Variants in BMPR1B observed in about 807,000 individuals in gnomAD.
BMPR1B encodes the protein bone morphogenetic protein receptor type-1B.
A neutral mutation model predicts 59.1 loss-of-function variants in BMPR1B; 12 were observed. The observed-to-expected ratio is 0.20, with a 90% CI of 0.13 to 0.33. The LOEUF (loss-of-function observed/expected upper bound fraction) is 0.33. Among genes scored for constraint, BMPR1B ranks in the 10% least tolerant of loss-of-function variants. The pLI, the probability that BMPR1B is intolerant of heterozygous loss-of-function variation, is 1.00. For missense variants in BMPR1B, 550 were observed against 610.9 expected (o/e 0.90, Z 1.05); for synonymous variants, 237 against 207.3 (o/e 1.14, Z -1.23).
chr4:94,826,673 C>CAG (rs35717456), intron 1 of BMPR1B, among the ~76,000 whole-genome samples: 95,791 of 151,654 alleles, frequency 0.63, 31,716 homozygotes, highest in African/African-American at 0.84. Context: ...AAAATGGAAA[C>CAG]ATGCATAATT....
At chr4:95,097,426 A>G (rs1043715307) in intron 3 of BMPR1B, among the ~76,000 whole-genome samples, 1 of 152,192 alleles carries the variant, frequency 6.6e-6, no homozygotes, top group East Asian at 1.9e-4. Flanking sequence ...CTGTTTTTAA[A>G]TATTTATTGA....
chr4:95,094,947 A>AT (rs890399205), intron 3 of BMPR1B, among the ~76,000 whole-genome samples: 3 of 152,058 alleles, frequency 2.0e-5, no homozygotes, highest in Non-Finnish European at 2.9e-5. Context: ...TTGCTCTGGT[A>AT]TTTTTTAATA....
At chr4:94,916,750 C>T (rs1280241792) in intron 2 of BMPR1B, among the ~76,000 whole-genome samples, 1 of 152,206 alleles carries the variant, frequency 6.6e-6, no homozygotes, top group African/African-American at 2.4e-5. Context: ...ATAGCAACCA[C>T]TTGGGAGAGA....
intron 1 of BMPR1B, among the ~76,000 whole-genome samples, chr4:94,789,301 T>C (rs1238298264): frequency 6.6e-6 from 1 of 152,208 alleles, no homozygotes; most frequent in Non-Finnish European, 1.5e-5. Context: ...ATGGTCAACG[T>C]TGAGTGCTTT....
intron 2 of BMPR1B, among the ~76,000 whole-genome samples, chr4:94,905,267 T>C (rs1332348439): frequency 6.6e-6 from 1 of 152,102 alleles, no homozygotes; most frequent in Non-Finnish European, 1.5e-5. Flanking sequence ...TTCACTGGAC[T>C]GCTTTAGACA....
At chr4:94,900,213 G>A (rs563206642) in intron 2 of BMPR1B, among the ~76,000 whole-genome samples, 26 of 151,552 alleles carry the variant, frequency 1.7e-4, no homozygotes, top group Middle Eastern at 6.8e-3. Context: ...AGTGTAATGC[G>A]CTAGGTTCCC....
chr4:95,129,965 T>C lies in BMPR1B; in HGVS notation c.689T>C (p.Val230Ala). Residue 230 changes from valine to alanine, a missense_variant, in exon 9 of 13, where the codon GTG (valine) becomes GCG (alanine). Transcript: ENST00000515059. ...AAGTGGCGTGGCGAAAAGGTAGCTG[T>C]GAAAGTGTTCTTCACCACAGAGGAA... ...MGKWRGEKVA[V>A]KVFFTTEEAS... 1 of 1,613,950 alleles carries C rather than the reference T, an allele frequency of 6.2e-7. No individual in the cohort carries two copies. The highest frequency in any genetic ancestry group is 1.1e-5 in the South Asian group (1 of 91,084).
intron 1 of BMPR1B, among the ~76,000 whole-genome samples, chr4:94,866,480 C>T (rs1054388427): frequency 6.6e-6 from 1 of 152,154 alleles, no homozygotes; most frequent in Non-Finnish European, 1.5e-5. Context: ...TTTTCCCGTC[C>T]AAAATCCTTC....
chr4:94,884,460 AG>A (rs1727094758), intron 2 of BMPR1B, among the ~76,000 whole-genome samples: 1 of 152,094 alleles, frequency 6.6e-6, no homozygotes, highest in Non-Finnish European at 1.5e-5. Context: ...CAGGAGGCTG[AG>A]GTTGCAGTGA....
At chr4:94,845,500 G>A (rs554646171) in intron 1 of BMPR1B, among the ~76,000 whole-genome samples, 10 of 152,044 alleles carry the variant, frequency 6.6e-5, no homozygotes, top group African/African-American at 1.4e-4. Flanking sequence ...CCGCCACCAC[G>A]CCCGGCTAAT....
intron 1 of BMPR1B, among the ~76,000 whole-genome samples, chr4:94,790,678 C>G (rs1722947780): frequency 6.6e-6 from 1 of 152,138 alleles, no homozygotes; most frequent in Admixed American, 6.5e-5. Context: ...CTATATCTTC[C>G]TACAGTTAAT....
At chr4:94,898,352 G>T (rs1404119658) in intron 2 of BMPR1B, among the ~76,000 whole-genome samples, 3 of 151,968 alleles carry the variant, frequency 2.0e-5, no homozygotes, top group Non-Finnish European at 4.4e-5. Flanking sequence ...GGTTTGGCTT[G>T]CCCCCATCCA....
At chr4:94,770,821 T>C (rs867600285) in intron 1 of BMPR1B, among the ~76,000 whole-genome samples, 2 of 150,786 alleles carry the variant, frequency 1.3e-5, no homozygotes, top group African/African-American at 4.9e-5. Flanking sequence ...TCCAGTGGAT[T>C]ATATTGACTG....
rs183841388 is a variant in BMPR1B, at chr4:94,873,469, C to T, written c.-182-2362C>T. ...GTCACCAGGCTGGAATGCAGTGGCG[C>T]GATCTCGGCTCACTGCAACTTCTGC... On this transcript the variant is annotated intron_variant, in intron 1 of 12. Transcript: ENST00000515059. Among the ~76,000 whole-genome samples the T allele has an allele frequency of 1.2e-3, 184 of 150,812 alleles. 1 individual carries two copies. Among genetic ancestry groups the T allele is most frequent in the African/African-American group, 3.9e-3 (160 of 40,732 alleles).
chr4:94,823,176 T>G (rs998485129), intron 1 of BMPR1B, among the ~76,000 whole-genome samples: 12 of 152,212 alleles, frequency 7.9e-5, no homozygotes, highest in Non-Finnish European at 1.3e-4. Context: ...TGAGGTGCTC[T>G]TTCTCACTTC....
At chr4:94,765,288 A>G (rs189940791) in intron 1 of BMPR1B, among the ~76,000 whole-genome samples, 2 of 152,280 alleles carry the variant, frequency 1.3e-5, no homozygotes, top group Admixed American at 1.3e-4. Context: ...GTATTTTTAA[A>G]TGAAAATAAG....
intron 1 of BMPR1B, among the ~76,000 whole-genome samples, chr4:94,872,871 C>T (rs1380857576): frequency 2.0e-5 from 3 of 152,194 alleles, no homozygotes; most frequent in South Asian, 2.1e-4. Flanking sequence ...GCAGTTTCTG[C>T]ACCTAAGAAG....
intron 2 of BMPR1B, among the ~76,000 whole-genome samples, chr4:94,912,206 CAT>C (rs1243020863): frequency 1.3e-5 from 2 of 152,110 alleles, no homozygotes; most frequent in East Asian, 3.9e-4. Context: ...CCTCCAACAA[CAT>C]ATGGGAATTA....
chr4:94,851,181 G>T (rs1182597016), intron 1 of BMPR1B, among the ~76,000 whole-genome samples: 1 of 152,130 alleles, frequency 6.6e-6, no homozygotes, highest in Non-Finnish European at 1.5e-5. Context: ...AATTTCATCA[G>T]TCAGACCAAG....
Sources: allele counts gnomAD v4.1 joint callset (sites outside exome capture counted in the v4.1 genomes callset), GRCh38; gene constraint gnomAD v4.1.1; transcripts MANE v1.5; gene names NCBI Gene and HGNC (gene_info 2026-07-23, HGNC 2026-07-21).